Variants in LTBP2 observed in about 807,000 individuals in gnomAD.
LTBP2 encodes the protein latent transforming growth factor beta binding protein 2, also known as latent-transforming growth factor beta-binding protein 2.
A neutral mutation model predicts 210.6 loss-of-function variants in LTBP2; 103 were observed. The observed-to-expected ratio is 0.49, with a 90% CI of 0.42 to 0.58. LTBP2 has a LOEUF of 0.58. LTBP2 is among the 20% of genes least tolerant of loss of function. LTBP2 has a pLI of 0.00. For synonymous variants in LTBP2, 1,007 were observed against 1,015.0 expected, an observed-to-expected ratio of 0.99 and a Z score of 0.15; for missense variants, 2,313 against 2,494.5, an observed-to-expected ratio of 0.93 and a Z score of 1.55.
intron 2 of LTBP2, among the ~76,000 whole-genome samples, chr14:74,597,085 T>C (rs951121658): frequency 4.6e-5 from 7 of 152,156 alleles, no homozygotes; most frequent in Non-Finnish European, 8.8e-5. Context: ...GACTAAGTCC[T>C]GGGAAACCCA....
intron 3 of LTBP2, among the ~76,000 whole-genome samples, chr14:74,566,800 C>T (rs1251521852): frequency 1.3e-5 from 2 of 152,144 alleles, no homozygotes; most frequent in Non-Finnish European, 2.9e-5. Flanking sequence ...GTCTGCTTGG[C>T]GCACCCACCC....
At chr14:74,507,414 A>C (rs1323695401) in intron 25 of LTBP2, 104 bp from the exon 26 acceptor site, 1 of 1,503,230 alleles carries the variant, frequency 6.7e-7, no homozygotes, top group Non-Finnish European at 9.2e-7. Flanking sequence ...GATCTATTCC[A>C]AATTACTGTG....
intron 3 of LTBP2, among the ~76,000 whole-genome samples, chr14:74,573,843 T>C (rs1399606106): frequency 2.0e-5 from 3 of 152,216 alleles, no homozygotes; most frequent in Non-Finnish European, 4.4e-5. Flanking sequence ...CTTTGTGTTA[T>C]TCTGACCACA....
chr14:74,523,021 G>T, intron 15 of LTBP2, 103 bp from the exon 16 acceptor site: 1 of 1,425,824 alleles, frequency 7.0e-7, no homozygotes, highest in Non-Finnish European at 9.5e-7. Flanking sequence ...AGGGGCCTCA[G>T]AAGGCCAACC....
At chr14:74,576,629 C>CGCTGT (rs2139778009) in intron 3 of LTBP2, among the ~76,000 whole-genome samples, 1 of 151,898 alleles carries the variant, frequency 6.6e-6, no homozygotes, top group East Asian at 2.0e-4. Context: ...ATACGCTGTA[C>CGCTGT]ACTGTACAAC....
chr14:74,552,036 T>A (rs1027097486), intron 6 of LTBP2, 151 bp downstream of exon 6: 16 of 753,534 alleles, frequency 2.1e-5, no homozygotes, highest in Admixed American at 1.1e-4. Flanking sequence ...GGAATGAAAC[T>A]TAGCGCTGAG....
intron 2 of LTBP2, among the ~76,000 whole-genome samples, chr14:74,596,269 T>TAAATAAA (rs1566654027): frequency 3.4e-5 from 4 of 119,016 alleles, no homozygotes; most frequent in African/African-American, 1.1e-4. Flanking sequence ...AAATAAAAAT[T>TAAATAAA]AAAAACAAAG....
chr14:74,567,914 G>C (rs1415359121), intron 3 of LTBP2, among the ~76,000 whole-genome samples: 2 of 152,144 alleles, frequency 1.3e-5, no homozygotes, highest in African/African-American at 4.8e-5. Context: ...GGGAAGACTT[G>C]TCAGCACACG....
At chr14:74,521,385 C>T (rs948412518) in intron 17 of LTBP2, among the ~76,000 whole-genome samples, 3 of 151,754 alleles carry the variant, frequency 2.0e-5, no homozygotes, top group Admixed American at 6.6e-5. Flanking sequence ...AAAGGGTTTG[C>T]GTTGGGAGCG....
intron 3 of LTBP2, 22 bp downstream of exon 3, chr14:74,585,832 C>A: frequency 6.2e-7 from 1 of 1,613,914 alleles, no homozygotes; most frequent in Non-Finnish European, 8.5e-7. Context: ...AGACCCCAAG[C>A]CCCATGGAGA....
chr14:74,508,859 A>G lies in LTBP2; in HGVS notation c.3497T>C (p.Phe1166Ser), dbSNP rs916546351. ...GSYQCLCPQGFQLANGTVCED... is the reference protein window; with the variant it reads ...GSYQCLCPQGSQLANGTVCED... ...ACACACGGTGCCATTGGCCAGCTGG[A>G]AGCCCTGGGGACAGAGGCACTGGTA... The change falls in exon 23 of 36, where the codon TTC (phenylalanine) becomes TCC (serine). Residue 1166 changes from phenylalanine to serine, a missense_variant. Phe to Ser is a radical substitution (Grantham distance 155). Around this residue, in one of 3 missense-constraint regions of LTBP2, gnomAD observed 1,867 missense variants for 1,976.9 expected, o/e 0.94. Transcript: ENST00000261978. 1.9e-5 allele frequency: 30 copies of G among 1,613,742 alleles called. No homozygotes were observed. Among genetic ancestry groups the G allele is most frequent in the African/African-American group, 2.7e-5 (2 of 75,012 alleles).
In LTBP2 at chr14:74,507,302, C is replaced by T. The variant is rs774636357; in HGVS notation, c.3784G>A (p.Glu1262Lys). 29 of 1,613,936 alleles carry T rather than the reference C, an allele frequency of 1.8e-5. No individual in the cohort carries two copies. Among genetic ancestry groups the T allele is most frequent in the African/African-American group, 6.7e-5 (5 of 74,910 alleles). The change falls in exon 26 of 36, where the codon GAG becomes AAG. Residue 1262 changes from glutamate to lysine, a missense_variant. Transcript: ENST00000261978. ...PESGECVDID[E>K]CEDYGDPVCG... ...ACCGGGTCTCCATAGTCCTCACACT[C>T]GTCAATATCTGTCCCCAGAGCCATG...
intron 18 of LTBP2, among the ~76,000 whole-genome samples, chr14:74,514,774 G>A (rs900349629): frequency 8.5e-5 from 13 of 152,194 alleles, no homozygotes; most frequent in Non-Finnish European, 1.5e-4. Flanking sequence ...TTTCAGTGGC[G>A]AGAGTGGTTT....
intron 2 of LTBP2, among the ~76,000 whole-genome samples, chr14:74,594,496 C>T (rs1180818071): frequency 6.6e-6 from 1 of 152,168 alleles, no homozygotes; most frequent in African/African-American, 2.4e-5. Context: ...ATGCTAAGAC[C>T]CTATCCACTG....
intron 2 of LTBP2, among the ~76,000 whole-genome samples, chr14:74,596,026 T>C (rs1307615407): frequency 1.3e-5 from 2 of 152,006 alleles, no homozygotes; most frequent in Non-Finnish European, 1.5e-5. Flanking sequence ...ATGAAACGTC[T>C]CTACAAAAAT....
At chr14:74,571,507 T>C (rs548609957) in intron 3 of LTBP2, among the ~76,000 whole-genome samples, 1 of 152,356 alleles carries the variant, frequency 6.6e-6, no homozygotes, top group Non-Finnish European at 1.5e-5. Context: ...GTAGGCTGCA[T>C]AGCTAAGTGG....
At chr14:74,512,404 G>A (rs552758874) in intron 18 of LTBP2, among the ~76,000 whole-genome samples, 1 of 152,366 alleles carries the variant, frequency 6.6e-6, no homozygotes, top group South Asian at 2.1e-4. Flanking sequence ...TGCCCGAGAG[G>A]AGGACCTACT....
Position 74,535,918 on chromosome 14 carries a change from G to T in LTBP2, c.1864+8C>A. 6.2e-7 allele frequency: 1 copy of T among 1,613,768 alleles called. No homozygotes were observed. Among genetic ancestry groups the T allele is most frequent in the East Asian group, 2.2e-5 (1 of 44,880 alleles). On this transcript the variant is annotated splice_region_variant and intron_variant, in intron 9 of 35. Transcript: ENST00000261978. ...CCTTGAGCCCAGCCCTGGCCCTGGG[G>T]GTCCTACCTTGGCAGTGAGTGAGGT...
intron 8 of LTBP2, among the ~76,000 whole-genome samples, chr14:74,540,893 AT>A (rs1419182431): frequency 7.5e-5 from 8 of 106,940 alleles, no homozygotes; most frequent in South Asian, 7.2e-4. Flanking sequence ...TATATTATAT[AT>A]TAAAAATATA....
Sources: gnomAD v4.1 joint callset for allele counts (sites outside exome capture counted in the v4.1 genomes callset) on GRCh38, gnomAD v4.1.1 for gene constraint, gnomAD v4.1.1 regional missense constraint, MANE v1.5 for transcripts, NCBI Gene and HGNC (gene_info 2026-07-23, HGNC 2026-07-21) for gene names.